The following GADL1 variants were observed in gnomAD, a reference collection of about 807,000 sequenced individuals.
GADL1 encodes GAD like acidic amino acid decarboxylase 1.
In GADL1, 71 loss-of-function variants were observed where a neutral mutation model predicts 69.5. The ratio of observed to expected loss-of-function variants is 1.02; its 90% CI spans 0.84 to 1.25. The LOEUF (loss-of-function observed/expected upper bound fraction) is 1.25. GADL1 is among the 50% of genes most tolerant of loss of function. GADL1 has a pLI of 0.00. For synonymous variants in GADL1, 254 were observed against 214.4 expected, an observed-to-expected ratio of 1.18 and a Z score of -1.62; for missense variants, 737 against 631.8, an observed-to-expected ratio of 1.17 and a Z score of -1.79.
Position 30,854,715 on chromosome 3 carries a change from C to T in GADL1, c.412G>A (p.Ala138Thr), listed in dbSNP as rs372478514. 3.2e-6 allele frequency: 5 copies of T among 1,547,982 alleles called. No individual in the cohort carries two copies. Among genetic ancestry groups the T allele is most frequent in the Non-Finnish European group, 4.4e-6 (5 of 1,144,060 alleles). ...YSLVARFMTEALNPSVYTYEV... is the reference protein window; with the variant it reads ...YSLVARFMTETLNPSVYTYEV... ...GGCACTTACACACTTGGATTCAATG[C>T]TTCGGTCATAAATCGGGCCACCAAG... Residue 138 changes from alanine to threonine, a missense_variant, in exon 4 of 15, where the codon GCA (alanine) becomes ACA (threonine). Coordinates refer to ENST00000282538, the MANE Select transcript of GADL1 (RefSeq NM_207359.3).
chr3:30,830,745 T>G (rs1697773827), intron 11 of GADL1, among the ~76,000 whole-genome samples: 1 of 151,990 alleles, frequency 6.6e-6, no homozygotes, highest in Admixed American at 6.6e-5. Flanking sequence ...TTTCTTAGAT[T>G]TGGGTCCATA....
At chr3:30,773,752 T>TA (rs769179136) in intron 14 of GADL1, among the ~76,000 whole-genome samples, 2 of 152,198 alleles carry the variant, frequency 1.3e-5, no homozygotes, top group Non-Finnish European at 2.9e-5. Flanking sequence ...ATGAATGTCT[T>TA]AGTAGCTTCT....
At chr3:30,746,012 G>C (rs1176317766) in intron 14 of GADL1, among the ~76,000 whole-genome samples, 1 of 102,884 alleles carries the variant, frequency 9.7e-6, no homozygotes, top group East Asian at 3.5e-4. Context: ...TCCTTTTATT[G>C]CACTCCAGCT....
At chr3:30,778,130 A>G (rs1334484085) in intron 14 of GADL1, 49 bp downstream of exon 14, 4 of 1,021,506 alleles carry the variant, frequency 3.9e-6, no homozygotes, top group Non-Finnish European at 6.2e-6. Context: ...GATAATGTAC[A>G]CTGAATCTAC....
chr3:30,789,118 G>A (rs1247208082), intron 12 of GADL1, among the ~76,000 whole-genome samples: 2 of 152,088 alleles, frequency 1.3e-5, no homozygotes, highest in Non-Finnish European at 2.9e-5. Context: ...CTGATATCAC[G>A]GCTATAGCCT....
intron 13 of GADL1, among the ~76,000 whole-genome samples, chr3:30,782,637 T>C (rs1696690769): frequency 6.6e-6 from 1 of 152,150 alleles, no homozygotes; most frequent in African/African-American, 2.4e-5. Context: ...ACAAAGAGGC[T>C]ATTGATAACA....
intron 14 of GADL1, among the ~76,000 whole-genome samples, chr3:30,770,408 T>A (rs542771732): frequency 2.0e-5 from 3 of 152,350 alleles, no homozygotes; most frequent in East Asian, 3.9e-4. Flanking sequence ...TTGGCTCATG[T>A]GCAAATGTTA....
intron 1 of GADL1, among the ~76,000 whole-genome samples, chr3:30,865,425 G>A (rs1202404590): frequency 1.3e-5 from 2 of 151,912 alleles, no homozygotes; most frequent in African/African-American, 4.8e-5. Flanking sequence ...GTTTGCAGGA[G>A]TTTGATGAAC....
chr3:30,787,566 C>T (rs2125500486), intron 12 of GADL1, among the ~76,000 whole-genome samples: 1 of 152,184 alleles, frequency 6.6e-6, no homozygotes, highest in Non-Finnish European at 1.5e-5. Context: ...TTTGTCAGAG[C>T]ATTTATTGTG....
intron 1 of GADL1, among the ~76,000 whole-genome samples, chr3:30,874,855 T>A (rs1698555138): frequency 6.6e-6 from 1 of 151,900 alleles, no homozygotes; most frequent in Non-Finnish European, 1.5e-5. Flanking sequence ...ATCAGCTGTC[T>A]ATAGTTGTAC....
At chr3:30,738,592 C>CATAACATAT (rs1210102250) in intron 14 of GADL1, among the ~76,000 whole-genome samples, 1 of 152,150 alleles carries the variant, frequency 6.6e-6, no homozygotes, top group Non-Finnish European at 1.5e-5. Flanking sequence ...TCCAAGGATT[C>CATAACATAT]ATAACATATT....
intron 1 of GADL1, among the ~76,000 whole-genome samples, chr3:30,890,089 A>C (rs1698766765): frequency 6.6e-6 from 1 of 152,190 alleles, no homozygotes; most frequent in Non-Finnish European, 1.5e-5. Context: ...AGATGTTCCA[A>C]ACAATGCCTC....
At position 30,726,468 on chromosome 3, in the gene GADL1, C is replaced by T. The variant is rs749214479; in HGVS notation, c.*1774G>A. Reference sequence around the variant, plus strand: ...TGTAGACATTAAAACAAAAAGGCAACAAGAAATGCAAAATAAACACACACA... The same window carrying T: ...TGTAGACATTAAAACAAAAAGGCAATAAGAAATGCAAAATAAACACACACA... On this transcript the variant is annotated 3_prime_UTR_variant, in exon 15 of 15. Transcript: ENST00000282538. 6 of 149,940 alleles carry T rather than the reference C, an allele frequency of 4.0e-5. No homozygotes were observed. Among genetic ancestry groups the T allele is most frequent in the Non-Finnish European group, 7.4e-5 (5 of 67,770 alleles). The allele number at this position is 149,940 out of a possible 1,614,324, so 9.3% of individuals were successfully genotyped here.
chr3:30,728,021 CAT>C lies in GADL1; in HGVS notation c.*219_*220del, dbSNP rs750746765. 4 of 412,850 alleles carry C rather than the reference CAT, an allele frequency of 9.7e-6. No individual in the cohort carries two copies. The highest frequency in any genetic ancestry group is 1.3e-5 in the Non-Finnish European group (3 of 228,238). 25.6% of individuals were successfully genotyped at this position (412,850 alleles called of 1,614,324 possible). A position where few individuals can be genotyped will look rare whatever the true frequency, so the allele number is the denominator to read the frequency against. The stretch of plus-strand genomic sequence containing the variant: ...TTCCAGGGGCATTCCTTGAGAAAAT[CAT>C]TTTTTTTTTTAAACTTTCTTCTTTT... On this transcript the variant is annotated 3_prime_UTR_variant, in exon 15 of 15. Transcript: ENST00000282538.
At position 30,754,624 on chromosome 3, in the gene GADL1, C is replaced by T. The variant is rs564036617; in HGVS notation, c.1392+23555G>A. Among the ~76,000 whole-genome samples the T allele has an allele frequency of 2.2e-4, 23 of 105,338 alleles. No homozygotes were observed. In the South Asian group the frequency reaches 6.3e-3, roughly 29 times the overall value. 69.1% of individuals were successfully genotyped at this position (105,338 alleles called of 152,430 possible). A position where few individuals can be genotyped will look rare whatever the true frequency, so the allele number is the denominator to read the frequency against. Reference sequence around the variant, plus strand: ...GGAAGATAGTTGACTGTAAATGAGCCAAGAATACAAAAAAAAAACTGCCTG... The same window carrying T: ...GGAAGATAGTTGACTGTAAATGAGCTAAGAATACAAAAAAAAAACTGCCTG... On this transcript the variant is annotated intron_variant, in intron 14 of 14. Coordinates refer to ENST00000282538, the MANE Select transcript of GADL1 (RefSeq NM_207359.3).
intron 14 of GADL1, among the ~76,000 whole-genome samples, chr3:30,745,740 T>C (rs1385602276): frequency 8.0e-6 from 1 of 124,744 alleles, no homozygotes; most frequent in African/African-American, 3.7e-5. Context: ...GTGACAATTG[T>C]TGAGATACCT....
In GADL1 at chr3:30,727,127, A is replaced by G. The variant is rs1030522533; in HGVS notation, c.*1115T>C. 6.6e-5 allele frequency: 10 copies of G among 150,564 alleles called. No individual in the cohort carries two copies. The highest frequency in any genetic ancestry group is 2.0e-4 in the Admixed American group (3 of 14,998). 9.3% of individuals were successfully genotyped at this position (150,564 alleles called of 1,614,324 possible). A position where few individuals can be genotyped will look rare whatever the true frequency, so the allele number is the denominator to read the frequency against. ...TACACACACATATGTATGTGTGTGT[A>G]TATATATACATATATATGTATATAT... On this transcript the variant is annotated 3_prime_UTR_variant, in exon 15 of 15. Coordinates refer to ENST00000282538, the MANE Select transcript of GADL1 (RefSeq NM_207359.3).
In GADL1 at chr3:30,844,059, T is replaced by TTA. The variant is rs1398826498; in HGVS notation, c.786+149_786+150dup. On this transcript the variant is annotated intron_variant, in intron 8 of 14. Transcript: ENST00000282538. Reference sequence around the variant, plus strand: ...ACATCTGTAAATGAGTTTTCCTATTTTAATTCCAACATTCTCTCTCCTCTC... The same window carrying TTA: ...ACATCTGTAAATGAGTTTTCCTATTTTATAATTCCAACATTCTCTCTCCTCTC... The TTA allele has an allele frequency of 1.1e-5, 7 of 648,288 alleles. No homozygotes were observed. In the Admixed American group the frequency reaches 2.0e-4, roughly 18 times the overall value. 40.2% of individuals were successfully genotyped at this position (648,288 alleles called of 1,614,324 possible). A position where few individuals can be genotyped will look rare whatever the true frequency, so the allele number is the denominator to read the frequency against.
chr3:30,752,379 C>A (rs774319129), intron 14 of GADL1, among the ~76,000 whole-genome samples: 32 of 151,762 alleles, frequency 2.1e-4, no homozygotes, highest in Non-Finnish European at 4.4e-4. Flanking sequence ...AGTGGTGCAC[C>A]TTGCATGGAG....
Sources: allele counts gnomAD v4.1 joint callset (sites outside exome capture counted in the v4.1 genomes callset), GRCh38; gene constraint gnomAD v4.1.1; transcripts MANE v1.5; gene names NCBI Gene and HGNC (gene_info 2026-07-23, HGNC 2026-07-21).